Variants in PRKG1 observed in about 807,000 individuals in gnomAD.
PRKG1 encodes the protein cGMP-dependent protein kinase 1.
PRKG1 carries 35 observed loss-of-function variants against 88.1 expected under a neutral mutation model. That is an observed-to-expected ratio of 0.40 (90% CI 0.30 to 0.53). PRKG1 has a LOEUF of 0.53. Among genes scored for constraint, PRKG1 ranks in the 20% least tolerant of loss-of-function variants. The pLI is 0.59. For missense variants in PRKG1, 540 were observed against 839.8 expected (o/e 0.64, Z 4.41); for synonymous variants, 303 against 292.5 (o/e 1.04, Z -0.37).
In PRKG1 at chr10:51,325,077, G is replaced by A. The variant is rs187279876; in HGVS notation, c.479-142646G>A. Among the ~76,000 whole-genome samples the A allele has an allele frequency of 1.1e-4, 16 of 152,154 alleles. No individual in the cohort carries two copies. In the East Asian group the frequency reaches 2.9e-3, roughly 28 times the overall value. ...CTCTTTTTATAGCCATTCGAACTAG[G>A]GTGAGATGATATCTGTTTGTGGTTT... is the stretch of plus-strand genomic sequence containing the variant. On this transcript the variant is annotated intron_variant, in intron 2 of 17. Coordinates refer to ENST00000373980, the MANE Select transcript of PRKG1 (RefSeq NM_006258.4).
intron 2 of PRKG1, among the ~76,000 whole-genome samples, chr10:51,388,445 T>A (rs1467893598): frequency 1.3e-5 from 2 of 152,202 alleles, no homozygotes; most frequent in East Asian, 3.8e-4. Context: ...AGATTTCTTT[T>A]TAAATTTTCT....
intron 1 of PRKG1, among the ~76,000 whole-genome samples, chr10:51,006,540 A>G (rs1399319099): frequency 1.3e-5 from 2 of 152,024 alleles, no homozygotes; most frequent in Non-Finnish European, 2.9e-5. Context: ...CATATTTCTA[A>G]CTCTATACTT....
At chr10:51,692,733 C>T (rs1251934810) in intron 3 of PRKG1, among the ~76,000 whole-genome samples, 2 of 152,172 alleles carry the variant, frequency 1.3e-5, no homozygotes, top group African/African-American at 4.8e-5. Flanking sequence ...GCCTCAACCT[C>T]CCAAACTGCT....
chr10:51,301,391 C>G (rs551836911), intron 2 of PRKG1, among the ~76,000 whole-genome samples: 1 of 152,132 alleles, frequency 6.6e-6, no homozygotes, highest in East Asian at 1.9e-4. Flanking sequence ...AAGAAAGGTA[C>G]CTTCTTTTAG....
intron 1 of PRKG1, among the ~76,000 whole-genome samples, chr10:51,151,286 A>G (rs1366949619): frequency 6.6e-6 from 1 of 152,052 alleles, no homozygotes; most frequent in African/African-American, 2.4e-5. Flanking sequence ...TGCCACTGCT[A>G]TTCTTGAGAC....
chr10:51,260,495 A>C (rs1280431317), intron 2 of PRKG1, among the ~76,000 whole-genome samples: 1 of 152,164 alleles, frequency 6.6e-6, no homozygotes, highest in Non-Finnish European at 1.5e-5. Flanking sequence ...ATTTAAAAAG[A>C]GTCTGGATAT....
intron 3 of PRKG1, among the ~76,000 whole-genome samples, chr10:51,656,837 C>T (rs1422288658): frequency 6.6e-6 from 1 of 152,110 alleles, no homozygotes; most frequent in Non-Finnish European, 1.5e-5. Context: ...TTTGCCTTCA[C>T]ACATCCTACA....
chr10:51,632,387 G>T (rs1839549270), intron 3 of PRKG1, among the ~76,000 whole-genome samples: 1 of 152,190 alleles, frequency 6.6e-6, no homozygotes, highest in Admixed American at 6.5e-5. Context: ...TTGGAATTAT[G>T]TAAATAGGAC....
intron 2 of PRKG1, among the ~76,000 whole-genome samples, chr10:51,232,631 A>G (rs1004518301): frequency 2.6e-5 from 4 of 152,212 alleles, no homozygotes; most frequent in African/African-American, 9.6e-5. Flanking sequence ...GAAAAGACCT[A>G]TGATGGTACC....
intron 4 of PRKG1, among the ~76,000 whole-genome samples, chr10:51,808,470 G>T (rs1839365395): frequency 1.3e-5 from 2 of 152,168 alleles, no homozygotes; most frequent in Non-Finnish European, 2.9e-5. Context: ...AGGTGCAGTG[G>T]CATGTGCCTG....
At chr10:51,883,211 C>T (rs1330829966) in intron 4 of PRKG1, among the ~76,000 whole-genome samples, 1 of 152,200 alleles carries the variant, frequency 6.6e-6, no homozygotes, top group Non-Finnish European at 1.5e-5. Context: ...ACCATTAGCT[C>T]CCCTGGATCT....
chr10:51,598,504 T>C (rs923660599), intron 3 of PRKG1, among the ~76,000 whole-genome samples: 7 of 152,212 alleles, frequency 4.6e-5, no homozygotes, highest in African/African-American at 1.4e-4. Flanking sequence ...GTGATCCATC[T>C]GCCTTGGCCT....
rs934602241 is a variant in PRKG1, at chr10:51,009,833, G to A, written c.266+18189G>A. ...TGTTCAATATGGAATCGTACTTTTG[G>A]AAAGAAAATCTGCCAGAACATTCAT... On this transcript the variant is annotated intron_variant, in intron 1 of 17. Coordinates refer to the PRKG1 transcript ENST00000401604. Among the ~76,000 whole-genome samples the A allele has an allele frequency of 3.3e-5, 5 of 152,238 alleles. No homozygotes were observed. In the South Asian group the frequency reaches 6.2e-4, roughly 19 times the overall value.
At chr10:52,178,148 T>C (rs975700634) in intron 9 of PRKG1, among the ~76,000 whole-genome samples, 2 of 152,056 alleles carry the variant, frequency 1.3e-5, no homozygotes, top group African/African-American at 4.8e-5. Flanking sequence ...ATCAACTTGC[T>C]TCTTAAGAAT....
At chr10:51,450,438 A>G (rs1839401281) in intron 2 of PRKG1, among the ~76,000 whole-genome samples, 1 of 151,990 alleles carries the variant, frequency 6.6e-6, no homozygotes, top group South Asian at 2.1e-4. Context: ...CTAAGGTAAG[A>G]GGCAAACCGT....
intron 5 of PRKG1, among the ~76,000 whole-genome samples, chr10:51,992,466 G>A (rs1465266582): frequency 2.0e-5 from 3 of 152,028 alleles, no homozygotes; most frequent in East Asian, 3.9e-4. Flanking sequence ...GAAAGGCACC[G>A]GTAAGACCTC....
At chr10:51,784,229 C>A (rs1838671949) in intron 3 of PRKG1, among the ~76,000 whole-genome samples, 1 of 152,040 alleles carries the variant, frequency 6.6e-6, no homozygotes, top group African/African-American at 2.4e-5. Context: ...TAAATACATG[C>A]TGTGCATGCA....
intron 3 of PRKG1, among the ~76,000 whole-genome samples, chr10:51,485,994 C>T (rs961966098): frequency 6.6e-5 from 10 of 152,144 alleles, no homozygotes; most frequent in African/African-American, 2.2e-4. Context: ...TAAAGATGTT[C>T]GTTACCGTCA....
In PRKG1 at chr10:51,467,802, T is replaced by C. The variant is rs1330326548; in HGVS notation, c.558T>C (p.Ile186=). 1 of 1,613,048 alleles carries C rather than the reference T, an allele frequency of 6.2e-7. No homozygotes were observed. The highest frequency in any genetic ancestry group is 1.7e-5 in the Admixed American group (1 of 59,982). The stretch of plus-strand genomic sequence containing the variant: ...GAAAAGTGTTTGGGGAATTGGCTAT[T>C]CTTTACAACTGTACCCGGACAGCGA... ...GPGKVFGELA[I]LYNCTRTATV... The change falls in exon 3 of 18, where the codon ATT becomes ATC. Residue 186 remains isoleucine (I), a synonymous_variant. Coordinates refer to ENST00000373980, the MANE Select transcript of PRKG1 (RefSeq NM_006258.4).
Sources: allele counts gnomAD v4.1 joint callset (sites outside exome capture counted in the v4.1 genomes callset), GRCh38; gene constraint gnomAD v4.1.1; transcripts MANE v1.5; gene names NCBI Gene and HGNC (gene_info 2026-07-23, HGNC 2026-07-21).